Variants in CEP192 observed in about 807,000 individuals in gnomAD.
CEP192 encodes centrosomal protein of 192 kDa.
Under a neutral mutation model 271.8 loss-of-function variants are expected in CEP192, and 151 were observed. The ratio of observed to expected loss-of-function variants is 0.56; its 90% confidence interval spans 0.49 to 0.64. The LOEUF (loss-of-function observed/expected upper bound fraction) is 0.64. Among genes scored for constraint, CEP192 ranks in the 30% least tolerant of loss-of-function variants. CEP192 has a pLI of 0.00. For synonymous variants in CEP192, 995 were observed against 1,076.5 expected, an observed-to-expected ratio of 0.92 and a Z score of 1.48; for missense variants, 2,910 against 3,020.5, an observed-to-expected ratio of 0.96 and a Z score of 0.86.
chr18:13,040,030 T>C (rs2036119852), intron 13 of CEP192, among the ~76,000 whole-genome samples: 1 of 152,148 alleles, frequency 6.6e-6, no homozygotes. Flanking sequence ...AAGAGTATGA[T>C]TTTGAAATAA....
chr18:13,056,868 C>T (rs954556395), intron 19 of CEP192, among the ~76,000 whole-genome samples, 170 bp downstream of exon 19: 6 of 152,214 alleles, frequency 3.9e-5, no homozygotes, highest in African/African-American at 4.8e-5. Context: ...CTAAAGTTGG[C>T]TTAGAAAAAC....
At chr18:13,063,561 A>T (rs1254294935) in intron 21 of CEP192, among the ~76,000 whole-genome samples, 2 of 151,906 alleles carry the variant, frequency 1.3e-5, no homozygotes, top group East Asian at 1.9e-4. Context: ...TTTTGATTGG[A>T]TTATTAGATT....
chr18:13,076,252 G>A (rs1416448559), intron 30 of CEP192, among the ~76,000 whole-genome samples: 1 of 152,002 alleles, frequency 6.6e-6, no homozygotes, highest in South Asian at 2.1e-4. Flanking sequence ...TTTTTGAGAT[G>A]GAGTCTTGCT....
At chr18:13,102,015 C>T (rs367721353) in intron 38 of CEP192, among the ~76,000 whole-genome samples, 1 of 152,138 alleles carries the variant, frequency 6.6e-6, no homozygotes, top group African/African-American at 2.4e-5. Context: ...CTCCTGCCTC[C>T]ACCCTTGCAG....
chr18:13,114,220 G>C lies in CEP192; in HGVS notation c.7258G>C (p.Ala2420Pro). The C allele has an allele frequency of 6.2e-7, 1 of 1,613,904 alleles. No individual in the cohort carries two copies. The highest frequency in any genetic ancestry group is 8.5e-7 in the Non-Finnish European group (1 of 1,179,950). Residue 2420 changes from alanine to proline, a missense_variant, in exon 42 of 45, where the codon GCT (alanine) becomes CCT (proline). Ala to Pro is a conservative substitution (Grantham distance 27). Coordinates refer to ENST00000506447, the MANE Select transcript of CEP192 (RefSeq NM_032142.4). ...IDHLVKPRRQ[A>P]VSEASARIPE... ...TCATTTAGTTAAGCCCCGAAGACAAGCTGTGTCAGAGGCTTCTGCTCGCAT... is the reference window on the plus strand; with the variant it reads ...TCATTTAGTTAAGCCCCGAAGACAACCTGTGTCAGAGGCTTCTGCTCGCAT...
chr18:13,005,956 A>G (rs2033954836), intron 3 of CEP192, among the ~76,000 whole-genome samples: 1 of 152,162 alleles, frequency 6.6e-6, no homozygotes, highest in Admixed American at 6.5e-5. Flanking sequence ...TTTTATCTGA[A>G]CTATGTTTTC....
chr18:13,118,218 G>A (rs2040518870), intron 44 of CEP192, among the ~76,000 whole-genome samples: 1 of 152,090 alleles, frequency 6.6e-6, no homozygotes, highest in African/African-American at 2.4e-5. Flanking sequence ...TAATAGTTAG[G>A]GTTCTGTTGG....
chr18:13,006,392 C>G (rs374861465), intron 3 of CEP192, among the ~76,000 whole-genome samples: 2 of 152,038 alleles, frequency 1.3e-5, no homozygotes, highest in African/African-American at 4.8e-5. Flanking sequence ...ATGGAAAATA[C>G]AGTATTCATG....
intron 11 of CEP192, among the ~76,000 whole-genome samples, chr18:13,031,992 G>A (rs891546368): frequency 5.3e-5 from 8 of 152,126 alleles, no homozygotes; most frequent in Admixed American, 1.3e-4. Context: ...GAGAGTGGCC[G>A]GAGGCTAGGA....
At chr18:13,050,612 C>G (rs2036732891) in intron 17 of CEP192, among the ~76,000 whole-genome samples, 1 of 150,630 alleles carries the variant, frequency 6.6e-6, no homozygotes, top group Admixed American at 6.6e-5. Context: ...CAGAGTCTCG[C>G]TCTGTGGGCC....
rs565001813 is a variant in CEP192, at chr18:13,087,758, G to T, written c.5993+112G>T. ...TATTTCACTATTTATTAGTGAACTGGTAGATGAAAAATCTTGGTAGAATTT... is the reference window on the plus strand; with the variant it reads ...TATTTCACTATTTATTAGTGAACTGTTAGATGAAAAATCTTGGTAGAATTT... On this transcript the variant is annotated intron_variant, in intron 32 of 44. Coordinates refer to ENST00000506447, the MANE Select transcript of CEP192 (RefSeq NM_032142.4). 9.3e-4 allele frequency: 417 copies of T among 450,310 alleles called. 2 individuals carry two copies. Among genetic ancestry groups the T allele is most frequent in the African/African-American group, 7.5e-3 (371 of 49,642 alleles). The allele number at this position is 450,310 out of a possible 1,614,324, so 27.9% of individuals were successfully genotyped here. A position where few individuals can be genotyped will look rare whatever the true frequency, so the allele number is the denominator to read the frequency against.
At chr18:13,124,389 T>C in intron 44 of CEP192, 1 of 362,956 alleles carries the variant, frequency 2.8e-6, no homozygotes, top group Non-Finnish European at 5.0e-6. Context: ...TATATATTAA[T>C]AGTTACTGGA....
In CEP192 at chr18:13,103,991, T is replaced by C. The variant is rs566933519; in HGVS notation, c.6951+403T>C. On this transcript the variant is annotated intron_variant, in intron 39 of 44. Coordinates refer to ENST00000506447, the MANE Select transcript of CEP192 (RefSeq NM_032142.4). The stretch of plus-strand genomic sequence containing the variant: ...AGGTGTGAGCTGCTGCACCTGGCCT[T>C]GCTGGTTATTTGTTCCACCAATTCA... 1.6e-5 allele frequency: 6 copies of C among 383,004 alleles called. No individual in the cohort carries two copies. The East Asian group carries it at 4.5e-4, about 29-fold the overall frequency. 23.7% of individuals were successfully genotyped at this position (383,004 alleles called of 1,614,324 possible).
At chr18:13,114,362 C>A (rs2040340958) in intron 42 of CEP192, 111 bp downstream of exon 42, 2 of 1,106,640 alleles carry the variant, frequency 1.8e-6, no homozygotes, top group Admixed American at 2.3e-5. Flanking sequence ...ACCAGCACTC[C>A]AACCAAGATA....
intron 9 of CEP192, among the ~76,000 whole-genome samples, chr18:13,026,553 C>T (rs1190388439): frequency 1.3e-5 from 2 of 151,944 alleles, no homozygotes; most frequent in Admixed American, 6.6e-5. Flanking sequence ...TTGTAGTTGT[C>T]CTGCAGTTTT....
chr18:13,081,640 G>A (rs1291980842), intron 30 of CEP192, among the ~76,000 whole-genome samples: 2 of 152,082 alleles, frequency 1.3e-5, no homozygotes, highest in African/African-American at 2.4e-5. Context: ...ATCTCCTTCA[G>A]TTCTGCTCTG....
At chr18:13,031,415 T>G (rs1240901415) in intron 11 of CEP192, among the ~76,000 whole-genome samples, 1 of 151,758 alleles carries the variant, frequency 6.6e-6, no homozygotes, top group Non-Finnish European at 1.5e-5. Flanking sequence ...GCCCGGCTAA[T>G]TTTTTGTATT....
intron 11 of CEP192, among the ~76,000 whole-genome samples, chr18:13,032,143 T>G (rs2035666871): frequency 6.6e-6 from 1 of 152,188 alleles, no homozygotes; most frequent in Admixed American, 6.5e-5. Flanking sequence ...TAGTTAGGGT[T>G]GTTTGGGATA....
chr18:13,071,963 T>C (rs985162484), intron 28 of CEP192, among the ~76,000 whole-genome samples: 2 of 152,208 alleles, frequency 1.3e-5, no homozygotes, highest in Admixed American at 1.3e-4. Context: ...TTACAAATTA[T>C]TAAATAAATA....
Sources: allele counts gnomAD v4.1 joint callset (sites outside exome capture counted in the v4.1 genomes callset), GRCh38; gene constraint gnomAD v4.1.1; transcripts MANE v1.5; gene names NCBI Gene and HGNC (gene_info 2026-07-23, HGNC 2026-07-21).